The following FBXO25 variants were observed in gnomAD, a reference collection of about 807,000 sequenced individuals.
FBXO25 encodes the protein F-box protein 25.
Under a neutral mutation model 51.9 loss-of-function variants are expected in FBXO25, and 45 were observed. That is an observed-to-expected ratio of 0.87 (90% CI 0.68 to 1.11). The LOEUF (loss-of-function observed/expected upper bound fraction) is 1.11. Ranked by LOEUF, FBXO25 falls within the 50% of genes most tolerant of loss-of-function variation. The probability of loss-of-function intolerance (pLI) is 0.00; values close to 1 mark genes in which losing one functional copy is unlikely to be tolerated. For missense variants in FBXO25, 507 were observed against 428.5 expected (o/e 1.18, Z -1.62); for synonymous variants, 199 against 151.0 (o/e 1.32, Z -2.33).
chr8:470,339 G>A lies in FBXO25; in HGVS notation c.*1535G>A, dbSNP rs559274835. ...AGGCTTTTAAATATATTTCTAGATT[G>A]TTCATGAAAAAAAATTTTTTTGGAG... On this transcript the variant is annotated 3_prime_UTR_variant, in exon 10 of 10. Coordinates refer to ENST00000350302, the MANE Select transcript of FBXO25 (RefSeq NM_183420.2). The A allele has an allele frequency of 3.0e-4, 45 of 152,194 alleles. No homozygotes were observed. Among genetic ancestry groups the A allele is most frequent in the African/African-American group, 1.1e-3 (45 of 41,526 alleles). 9.4% of individuals were successfully genotyped at this position (152,194 alleles called of 1,614,324 possible).
chr8:443,415 T>C (rs1207451071), intron 5 of FBXO25, among the ~76,000 whole-genome samples: 1 of 151,724 alleles, frequency 6.6e-6, no homozygotes, highest in Admixed American at 6.6e-5. Flanking sequence ...AGAATGCTTT[T>C]ACCAAAATAA....
intron 2 of FBXO25, among the ~76,000 whole-genome samples, chr8:426,927 A>T (rs1431692295): frequency 1.3e-5 from 2 of 151,948 alleles, no homozygotes; most frequent in African/African-American, 4.8e-5. Flanking sequence ...TTAATGCTAA[A>T]AATAGGTTTC....
At chr8:424,468 G>A (rs1174038078) in intron 2 of FBXO25, among the ~76,000 whole-genome samples, 1 of 152,032 alleles carries the variant, frequency 6.6e-6, no homozygotes, top group Non-Finnish European at 1.5e-5. Context: ...TATTTCCTAG[G>A]TTATCTTCCA....
intron 2 of FBXO25, among the ~76,000 whole-genome samples, chr8:425,997 A>G (rs577818137): frequency 1.3e-5 from 2 of 150,912 alleles, no homozygotes; most frequent in Admixed American, 1.3e-4. Flanking sequence ...GCTGATGGAC[A>G]CCCCAGTCCC....
chr8:432,891 T>G lies in FBXO25; in HGVS notation c.244T>G (p.Tyr82Asp), dbSNP rs774162674. Residue 82 changes from tyrosine to aspartate, a missense_variant, in exon 4 of 10, where the codon TAT (tyrosine) becomes GAT (aspartate). Physicochemically the swap from Tyr to Asp is radical, Grantham distance 160 (BLOSUM62 -3). Transcript: ENST00000350302. ...FRNDTNTQSFYREKWIYVHKE... is the reference protein window; with the variant it reads ...FRNDTNTQSFDREKWIYVHKE... ...AAAGGTAATTTTTATTCTAGGTTTTTATCGTGAAAAATGGATCTATGTCCA... is the reference window on the plus strand; with the variant it reads ...AAAGGTAATTTTTATTCTAGGTTTTGATCGTGAAAAATGGATCTATGTCCA... The G allele has an allele frequency of 6.4e-7, 1 of 1,552,190 alleles. No homozygotes were observed. The highest frequency in any genetic ancestry group is 1.4e-5 in the African/African-American group (1 of 71,842).
chr8:463,063 C>G lies in FBXO25; in HGVS notation c.900C>G (p.Tyr300Ter), dbSNP rs781686879. ...GTCATATTGAATGGAAGTTGATGTA[C>G]TTTGCACTTCAGAAACATTACCCAG... ...EKGHIEWKLMYFALQKHYPAK... is the reference protein window; with the variant it reads ...EKGHIEWKLM Residue 300 changes from tyrosine to a stop codon, truncating the protein, a stop_gained, in exon 9 of 10, where the codon TAC becomes TAG. Coordinates refer to ENST00000350302, the MANE Select transcript of FBXO25 (RefSeq NM_183420.2). LOFTEE classifies it high-confidence loss of function. The G allele has an allele frequency of 4.3e-6, 7 of 1,613,900 alleles. No individual in the cohort carries two copies. The highest frequency in any genetic ancestry group is 5.9e-6 in the Non-Finnish European group (7 of 1,179,970).
At chr8:411,767 G>C (rs998466911) in intron 1 of FBXO25, among the ~76,000 whole-genome samples, 3 of 152,162 alleles carry the variant, frequency 2.0e-5, no homozygotes, top group African/African-American at 7.2e-5. Context: ...TGAGGCAGCA[G>C]AAGGGCGCTG....
chr8:468,894 C>T lies in FBXO25; in HGVS notation c.*90C>T. On this transcript the variant is annotated 3_prime_UTR_variant, in exon 10 of 10. Transcript: ENST00000350302. ...GTGTTCTGTGAGGTGGGTGGAGACT[C>T]CTCGGAAGCCCCTGCTTCCAGAAAG... The T allele has an allele frequency of 1.7e-6, 2 of 1,201,118 alleles. No homozygotes were observed. Among genetic ancestry groups the T allele is most frequent in the Admixed American group, 4.9e-5 (2 of 40,760 alleles). The allele number at this position is 1,201,118 out of a possible 1,614,324, so 74.4% of individuals were successfully genotyped here.
rs969952235 is a variant in FBXO25, at chr8:472,415, G to T, written c.*3611G>T. On this transcript the variant is annotated 3_prime_UTR_variant, in exon 10 of 10. Transcript: ENST00000350302. ...CTTGGGTCAAAGCCCACTAAGTCATGGTTTATGATACCTTTTATACATAGC... is the reference window on the plus strand; with the variant it reads ...CTTGGGTCAAAGCCCACTAAGTCATTGTTTATGATACCTTTTATACATAGC... 1 of 152,192 alleles carries T rather than the reference G, an allele frequency of 6.6e-6. No individual in the cohort carries two copies. The highest frequency in any genetic ancestry group is 2.4e-5 in the African/African-American group (1 of 41,444). 9.4% of individuals were successfully genotyped at this position (152,192 alleles called of 1,614,324 possible).
chr8:468,861 C>G lies in FBXO25; in HGVS notation c.*57C>G. ...TGAATCCTGCTGTCTGTGCAGGGCTCATAGTGAGTGTTCTGTGAGGTGGGT... is the reference window on the plus strand; with the variant it reads ...TGAATCCTGCTGTCTGTGCAGGGCTGATAGTGAGTGTTCTGTGAGGTGGGT... On this transcript the variant is annotated 3_prime_UTR_variant, in exon 10 of 10. Transcript: ENST00000350302. 6.5e-7 allele frequency: 1 copy of G among 1,540,052 alleles called. No homozygotes were observed. Among genetic ancestry groups the G allele is most frequent in the East Asian group, 2.3e-5 (1 of 43,540 alleles).
chr8:441,987 C>T (rs979617730), intron 5 of FBXO25, among the ~76,000 whole-genome samples: 10 of 152,180 alleles, frequency 6.6e-5, no homozygotes, highest in African/African-American at 2.2e-4. Context: ...CTATTTGACC[C>T]AGCAATCCCA....
At chr8:409,513 T>G (rs539927436) in intron 1 of FBXO25, among the ~76,000 whole-genome samples, 1 of 152,320 alleles carries the variant, frequency 6.6e-6, no homozygotes, top group South Asian at 2.1e-4. Flanking sequence ...GTAAAAGAAT[T>G]GGTTATATTA....
intron 5 of FBXO25, among the ~76,000 whole-genome samples, chr8:446,704 G>C (rs1169784646): frequency 2.0e-5 from 3 of 152,222 alleles, no homozygotes; most frequent in Admixed American, 1.3e-4. Context: ...TCTCAGCTTT[G>C]CTTGGCCTAA....
At chr8:434,937 T>G (rs1798013612) in intron 4 of FBXO25, among the ~76,000 whole-genome samples, 1 of 152,186 alleles carries the variant, frequency 6.6e-6, no homozygotes, top group Non-Finnish European at 1.5e-5. Context: ...TTTTTTGGTG[T>G]TTTGGGTTCT....
At chr8:420,060 G>C (rs1797056516) in intron 2 of FBXO25, among the ~76,000 whole-genome samples, 1 of 152,088 alleles carries the variant, frequency 6.6e-6, no homozygotes, top group Non-Finnish European at 1.5e-5. Flanking sequence ...TTTATTGTTA[G>C]GGAAACAAAT....
intron 2 of FBXO25, among the ~76,000 whole-genome samples, chr8:426,207 T>C (rs1202949079): frequency 6.6e-6 from 1 of 152,206 alleles, no homozygotes; most frequent in African/African-American, 2.4e-5. Context: ...GAGCTTATTC[T>C]TTAGTGGGTC....
intron 2 of FBXO25, among the ~76,000 whole-genome samples, chr8:419,384 A>G (rs1797016565): frequency 6.6e-6 from 1 of 152,176 alleles, no homozygotes. Context: ...AGAAAAAAGA[A>G]CAAGGTTTAC....
intron 5 of FBXO25, among the ~76,000 whole-genome samples, chr8:444,183 C>A (rs1396695061): frequency 2.6e-5 from 4 of 152,162 alleles, no homozygotes; most frequent in Non-Finnish European, 4.4e-5. Context: ...CTGAAGGAAC[C>A]CAAAGGCGAA....
At chr8:408,697 T>A (rs541776051) in intron 1 of FBXO25, among the ~76,000 whole-genome samples, 3 of 152,350 alleles carry the variant, frequency 2.0e-5, no homozygotes, top group East Asian at 3.9e-4. Context: ...GAGTCTCTCA[T>A]GCCAAGAGTT....
Sources: allele counts gnomAD v4.1 joint callset (sites outside exome capture counted in the v4.1 genomes callset), GRCh38; gene constraint gnomAD v4.1.1; transcripts MANE v1.5; gene names NCBI Gene and HGNC (gene_info 2026-07-23, HGNC 2026-07-21).